Variants in CNIH3 observed in about 807,000 individuals in gnomAD.
The protein encoded by CNIH3 is cornichon family AMPA receptor auxiliary protein 3.
CNIH3 carries 14 observed loss-of-function variants against 24.1 expected under a neutral mutation model. That is an observed-to-expected ratio of 0.58 (90% CI 0.38 to 0.91). The LOEUF (loss-of-function observed/expected upper bound fraction) is 0.91, where lower values mean the gene tolerates loss of function less well. Among genes scored for constraint, CNIH3 ranks in the 40% least tolerant of loss-of-function variants. The pLI is 0.00. For synonymous variants in CNIH3, 68 were observed against 73.8 expected (o/e 0.92, Z 0.40); for missense variants, 178 against 196.8 (o/e 0.90, Z 0.57).
chr1:224,542,358 G>C (rs1679543746), downstream of CNIH3, among the ~76,000 whole-genome samples: 1 of 152,058 alleles, frequency 6.6e-6, no homozygotes, highest in South Asian at 2.1e-4. Context: ...ACACTTGATT[G>C]GACTAACAGA....
intron 1 of CNIH3, among the ~76,000 whole-genome samples, chr1:224,438,488 T>C (rs906174451): frequency 3.9e-5 from 6 of 152,244 alleles, no homozygotes; most frequent in African/African-American, 1.4e-4. Context: ...AGACTGTAGT[T>C]GTTCTGTCCA....
At chr1:224,534,225 A>G (rs553218645) in intron 2 of CNIH3, among the ~76,000 whole-genome samples, 67 of 152,354 alleles carry the variant, frequency 4.4e-4, no homozygotes, top group African/African-American at 1.5e-3. Context: ...CAATTCAACC[A>G]TAACATCTGC....
chr1:224,540,196 C>T (rs1009166944), downstream of CNIH3, among the ~76,000 whole-genome samples: 7 of 152,190 alleles, frequency 4.6e-5, no homozygotes, highest in African/African-American at 1.7e-4. Flanking sequence ...AATGCAGCTG[C>T]ACTCTCGTTT....
intron 1 of CNIH3, among the ~76,000 whole-genome samples, chr1:224,442,175 C>T (rs1572246313): frequency 6.6e-6 from 1 of 151,978 alleles, no homozygotes; most frequent in Admixed American, 6.5e-5. Context: ...TGCACTACCA[C>T]ACCTGGCTAA....
chr1:224,489,745 A>G (rs990476655), intron 1 of CNIH3, among the ~76,000 whole-genome samples: 1 of 152,200 alleles, frequency 6.6e-6, no homozygotes, highest in Non-Finnish European at 1.5e-5. Flanking sequence ...GCTTGTAAAC[A>G]ACAAACATTG....
At chr1:224,631,670 A>G (rs1202303296) in intron 1 of CNIH3, among the ~76,000 whole-genome samples, 1 of 152,130 alleles carries the variant, frequency 6.6e-6, no homozygotes, top group East Asian at 1.9e-4. Context: ...TCCCACCTCC[A>G]CAGCGTCTCA....
chr1:224,687,021 T>C (rs1686695454), intron 3 of CNIH3, among the ~76,000 whole-genome samples: 1 of 152,124 alleles, frequency 6.6e-6, no homozygotes, highest in Non-Finnish European at 1.5e-5. Context: ...TTCTGGGAGG[T>C]CAAATGCAGT....
At chr1:224,543,467 G>A (rs554559904) in intron 2 of CNIH3, among the ~76,000 whole-genome samples, 1 of 152,130 alleles carries the variant, frequency 6.6e-6, no homozygotes, top group Admixed American at 6.5e-5. Flanking sequence ...GTAGCTAGTT[G>A]GTCAGAAGTG....
rs533358859 is a variant in CNIH3, at chr1:224,635,851, A to C, written c.81+18596A>C. Among the ~76,000 whole-genome samples, 11 of 152,124 alleles carry C rather than the reference A, an allele frequency of 7.2e-5. 1 individual carries two copies. In the East Asian group the frequency reaches 2.1e-3, roughly 29 times the overall value. ...CTCAGCTTTCTGAGTAGCTGGGATT[A>C]CAGGTGTGTGCCACCACACCTGGCT... On this transcript the variant is annotated intron_variant, in intron 1 of 5. Coordinates refer to ENST00000272133, the MANE Select transcript of CNIH3 (RefSeq NM_152495.2).
chr1:224,454,724 C>T (rs1323595160), intron 1 of CNIH3, among the ~76,000 whole-genome samples: 2 of 152,156 alleles, frequency 1.3e-5, no homozygotes, highest in Non-Finnish European at 2.9e-5. Context: ...AGAAGAGAAT[C>T]GGCCTCTGGT....
At chr1:224,647,511 C>T (rs988726372) in intron 1 of CNIH3, among the ~76,000 whole-genome samples, 1 of 152,198 alleles carries the variant, frequency 6.6e-6, no homozygotes, top group Non-Finnish European at 1.5e-5. Flanking sequence ...GGACATCACT[C>T]ACTGCCAGGG....
At chr1:224,440,956 A>G (rs1447372822) in intron 1 of CNIH3, among the ~76,000 whole-genome samples, 1 of 152,026 alleles carries the variant, frequency 6.6e-6, no homozygotes, top group Non-Finnish European at 1.5e-5. Flanking sequence ...AGCTGGGACT[A>G]CAGGCGTCCG....
intron 3 of CNIH3, among the ~76,000 whole-genome samples, chr1:224,553,906 T>G (rs1307039034): frequency 6.6e-6 from 1 of 152,112 alleles, no homozygotes; most frequent in Non-Finnish European, 1.5e-5. Flanking sequence ...ACAGCGAATT[T>G]GCACTCAAAT....
chr1:224,586,862 GCCACAGGCCGAGGAAACTGGAGAGCTGCT>G (rs1681531895), intron 5 of CNIH3, among the ~76,000 whole-genome samples: 3 of 152,178 alleles, frequency 2.0e-5, no homozygotes, highest in Non-Finnish European at 4.4e-5. Context: ...GAGTGATGCT[GCCACAGGCCGAGGAAACTGGAGAGCTGCT>G]AGACATTGGA....
At chr1:224,721,547 A>G (rs1316074629) in intron 3 of CNIH3, among the ~76,000 whole-genome samples, 1 of 152,218 alleles carries the variant, frequency 6.6e-6, no homozygotes, top group Non-Finnish European at 1.5e-5. Context: ...GTGAAATCTT[A>G]GGTAGTTCAG....
At chr1:224,526,100 C>G (rs1678834585) in intron 2 of CNIH3, among the ~76,000 whole-genome samples, 1 of 152,196 alleles carries the variant, frequency 6.6e-6, no homozygotes, top group South Asian at 2.1e-4. Context: ...ACAGCAGATT[C>G]ACTTAACTAC....
intron 3 of CNIH3, among the ~76,000 whole-genome samples, chr1:224,725,104 G>A (rs1014846710): frequency 6.6e-6 from 1 of 152,130 alleles, no homozygotes; most frequent in Non-Finnish European, 1.5e-5. Context: ...CAGCTACTCG[G>A]GAGGCTGAGG....
intron 4 of CNIH3, among the ~76,000 whole-genome samples, chr1:224,580,178 AAATAG>A (rs1034256442): frequency 1.6e-4 from 25 of 152,240 alleles, no homozygotes; most frequent in Admixed American, 1.3e-3. Context: ...ACTATATCTT[AAATAG>A]ACTTTGAGTC....
chr1:224,548,149 T>A (rs1679776344), intron 3 of CNIH3, among the ~76,000 whole-genome samples: 1 of 151,882 alleles, frequency 6.6e-6, no homozygotes, highest in African/African-American at 2.4e-5. Context: ...AGTGGGTGCA[T>A]ACCCTCGGAT....
Sources: allele counts gnomAD v4.1 joint callset (sites outside exome capture counted in the v4.1 genomes callset), GRCh38; gene constraint gnomAD v4.1.1; transcripts MANE v1.5; gene names NCBI Gene and HGNC (gene_info 2026-07-23, HGNC 2026-07-21).